Variants in NFIB observed in about 807,000 individuals in gnomAD.
NFIB encodes the protein nuclear factor 1 B-type.
In NFIB, 11 loss-of-function variants were observed where a neutral mutation model predicts 61.5. That is an observed-to-expected ratio of 0.18 (90% CI 0.11 to 0.30). The LOEUF is 0.30. Among genes scored for constraint, NFIB ranks in the 10% least tolerant of loss-of-function variants. The pLI, the probability that NFIB is intolerant of heterozygous loss-of-function variation, is 1.00. For synonymous variants in NFIB, 260 were observed against 216.5 expected (o/e 1.20, Z -1.76); for missense variants, 471 against 608.9 (o/e 0.77, Z 2.38).
intron 10 of NFIB, 80 bp from the exon 11 acceptor site, chr9:14,088,406 T>C (rs970720189): frequency 9.8e-6 from 13 of 1,323,494 alleles, no homozygotes; most frequent in South Asian, 2.0e-5. Flanking sequence ...ATATGAGAAA[T>C]ATAAATTCCA....
the NFIB span, among the ~76,000 whole-genome samples, chr9:14,450,847 A>G: frequency 2.0e-5 from 3 of 152,244 alleles, no homozygotes. Flanking sequence ...GAAATGTCCA[A>G]ATGTCTTATT....
intron 2 of NFIB, among the ~76,000 whole-genome samples, chr9:14,213,798 A>C (rs924944285): frequency 6.6e-6 from 1 of 152,062 alleles, no homozygotes. Flanking sequence ...TGCTGGGCTG[A>C]GTTTTATGTC....
chr9:14,182,110 G>A (rs2046844837), intron 2 of NFIB, among the ~76,000 whole-genome samples: 1 of 152,132 alleles, frequency 6.6e-6, no homozygotes, highest in African/African-American at 2.4e-5. Context: ...ATTCTTTTCT[G>A]CTATAAATTA....
At chr9:14,531,916 G>A in the NFIB span, 3 of 152,052 alleles carry the variant, frequency 2.0e-5, no homozygotes, top group African/African-American at 7.2e-5. Flanking sequence ...TTTGGGGGTG[G>A]GTGAAAAAAA....
chr9:14,225,884 G>T (rs1299520472), intron 2 of NFIB, among the ~76,000 whole-genome samples: 1 of 151,996 alleles, frequency 6.6e-6, no homozygotes, highest in Non-Finnish European at 1.5e-5. Flanking sequence ...TTGTCATTCT[G>T]ATGAAATACA....
intron 10 of NFIB, among the ~76,000 whole-genome samples, chr9:14,097,849 A>G (rs986239155): frequency 8.1e-6 from 1 of 122,888 alleles, no homozygotes; most frequent in Non-Finnish European, 1.8e-5. Flanking sequence ...ACCCCCCCAC[A>G]CTTTTTTTTT....
At chr9:14,518,669 AAAAAG>A in the NFIB span, among the ~76,000 whole-genome samples, 2 of 152,226 alleles carry the variant, frequency 1.3e-5, no homozygotes, top group East Asian at 1.9e-4. Context: ...TCAAGAAAAA[AAAAAG>A]AGAGAAGAGA....
chr9:14,243,519 T>C (rs1003115224), intron 2 of NFIB, among the ~76,000 whole-genome samples: 5 of 152,094 alleles, frequency 3.3e-5, no homozygotes, highest in African/African-American at 1.2e-4. Context: ...TTTTATTGTG[T>C]TTCATGAGGG....
chr9:14,309,575 G>T (rs1354621680), intron 1 of NFIB, among the ~76,000 whole-genome samples: 1 of 152,210 alleles, frequency 6.6e-6, no homozygotes, highest in Non-Finnish European at 1.5e-5. Context: ...CTAGGCCATG[G>T]AAAGAGTTAA....
chr9:14,526,902 C>T, the NFIB span, among the ~76,000 whole-genome samples: 1 of 152,154 alleles, frequency 6.6e-6, no homozygotes, highest in Non-Finnish European at 1.5e-5. Context: ...TAGGCAGGCA[C>T]TTGTGTTTCC....
intron 1 of NFIB, among the ~76,000 whole-genome samples, chr9:14,329,298 A>G (rs1030560535): frequency 3.3e-5 from 5 of 152,036 alleles, no homozygotes; most frequent in African/African-American, 7.2e-5. Flanking sequence ...TTTTTTTCAG[A>G]GCATGTGGGG....
intron 2 of NFIB, among the ~76,000 whole-genome samples, chr9:14,203,109 C>T (rs929607124): frequency 6.6e-6 from 1 of 151,990 alleles, no homozygotes; most frequent in Non-Finnish European, 1.5e-5. Context: ...TGATTTTTAC[C>T]TCCTTCTATT....
chr9:14,425,169 C>T, the NFIB span, among the ~76,000 whole-genome samples: 1 of 152,224 alleles, frequency 6.6e-6, no homozygotes. Context: ...ACACATTCCA[C>T]AGCAGTCAAG....
chr9:14,292,618 C>A (rs1436349747), intron 2 of NFIB, among the ~76,000 whole-genome samples: 1 of 152,154 alleles, frequency 6.6e-6, no homozygotes, highest in Non-Finnish European at 1.5e-5. Context: ...GATACAGAAA[C>A]TGAGTTACTG....
the NFIB span, among the ~76,000 whole-genome samples, chr9:14,520,707 A>G: frequency 0.045 from 6,880 of 152,314 alleles, 482 homozygotes; most frequent in African/African-American, 0.16. Flanking sequence ...GTCATGACCC[A>G]TTAGCAGGTC....
the NFIB span, among the ~76,000 whole-genome samples, chr9:14,465,115 G>C: frequency 6.6e-6 from 1 of 152,170 alleles, no homozygotes; most frequent in East Asian, 1.9e-4. Flanking sequence ...CTTCACTGTA[G>C]AGACCTTTGT....
the NFIB span, among the ~76,000 whole-genome samples, chr9:14,427,450 C>T: frequency 6.6e-6 from 1 of 152,156 alleles, no homozygotes; most frequent in Non-Finnish European, 1.5e-5. Context: ...GGCCAAGTAA[C>T]TTTCCTAAAG....
intron 1 of NFIB, among the ~76,000 whole-genome samples, chr9:14,325,194 A>C (rs774008848): frequency 6.6e-6 from 1 of 152,000 alleles, no homozygotes; most frequent in Non-Finnish European, 1.5e-5. Flanking sequence ...ATAATTATTC[A>C]TTTTTTAAAA....
At chr9:14,164,793 G>A (rs2044596697) in intron 3 of NFIB, among the ~76,000 whole-genome samples, 1 of 152,110 alleles carries the variant, frequency 6.6e-6, no homozygotes, top group South Asian at 2.1e-4. Context: ...AACCATCTGG[G>A]ATTCTTGAAA....
Sources: allele counts gnomAD v4.1 joint callset (sites outside exome capture counted in the v4.1 genomes callset), GRCh38; gene constraint gnomAD v4.1.1; transcripts MANE v1.5; gene names NCBI Gene and HGNC (gene_info 2026-07-23, HGNC 2026-07-21).